Variants in STAT4 observed in about 807,000 individuals in gnomAD.
STAT4 encodes signal transducer and activator of transcription 4.
A neutral mutation model predicts 110.5 loss-of-function variants in STAT4; 42 were observed. The observed-to-expected ratio is 0.38, with a 90% CI of 0.30 to 0.49. STAT4 has a LOEUF of 0.49. Ranked by LOEUF, STAT4 falls within the 20% of genes least tolerant of loss-of-function variation. The pLI is 0.95. For missense variants in STAT4, 632 were observed against 887.9 expected (o/e 0.71, Z 3.66); for synonymous variants, 284 against 302.2 (o/e 0.94, Z 0.63).
At chr2:191,044,784 G>A in intron 14 of STAT4, among the ~76,000 whole-genome samples, 1 of 152,260 alleles carries the variant, frequency 6.6e-6, no homozygotes, top group African/African-American at 2.4e-5. Flanking sequence ...ACTCATAGAT[G>A]GACATGTTTG....
In STAT4 at chr2:191,083,774, T is replaced by C. The variant is rs1574139872; in HGVS notation, c.274-7449A>G. On this transcript the variant is annotated intron_variant, in intron 3 of 23. Coordinates refer to ENST00000392320, the MANE Select transcript of STAT4 (RefSeq NM_003151.4). This position sits in a 1 kb window ranked among gnomAD's most constrained non-coding sequence, Gnocchi z 4.6. Reference sequence around the variant, plus strand: ...TATTCCTCGCCAATGTCAAACACACTGGCCTGTGTGGGTATCAAACTGACT... The same window carrying C: ...TATTCCTCGCCAATGTCAAACACACCGGCCTGTGTGGGTATCAAACTGACT... Among the ~76,000 whole-genome samples the C allele has an allele frequency of 2.0e-5, 3 of 152,166 alleles. No homozygotes were observed. The highest frequency in any genetic ancestry group is 4.8e-5 in the African/African-American group (2 of 41,432).
At chr2:191,094,405 AC>A (rs1697899378) in intron 3 of STAT4, among the ~76,000 whole-genome samples, 1 of 152,226 alleles carries the variant, frequency 6.6e-6, no homozygotes, top group Admixed American at 6.5e-5. Context: ...CAGAAACTCT[AC>A]AAGCCAGAAG....
chr2:191,094,087 T>C (rs1180914614), intron 3 of STAT4, among the ~76,000 whole-genome samples: 1 of 152,138 alleles, frequency 6.6e-6, no homozygotes, highest in Non-Finnish European at 1.5e-5. Context: ...TATGGGACTA[T>C]GTGAAAAGAC....
chr2:191,058,693 G>A lies in STAT4; in HGVS notation c.1094+17C>T, dbSNP rs759611704. The A allele has an allele frequency of 3.7e-5, 57 of 1,531,318 alleles. No homozygotes were observed. The highest frequency in any genetic ancestry group is 4.8e-5 in the Non-Finnish European group (54 of 1,125,522). The allele number at this position is 1,531,318 out of a possible 1,614,324, so 94.9% of individuals were successfully genotyped here. ...TACATTTGGAATTGTAATTCAAAAC[G>A]AAATTAGAAAACTTACTTGTCAATT... On this transcript the variant is annotated intron_variant, in intron 11 of 23. Transcript: ENST00000392320. This position sits in a 1 kb window ranked among gnomAD's most constrained non-coding sequence, Gnocchi z 4.3.
intron 3 of STAT4, among the ~76,000 whole-genome samples, chr2:191,076,990 G>T (rs1661635141): frequency 1.3e-5 from 2 of 152,136 alleles, no homozygotes; most frequent in Admixed American, 1.3e-4. Context: ...TGTTAACTGT[G>T]TGTCATGGTT....
intron 3 of STAT4, among the ~76,000 whole-genome samples, chr2:191,078,229 T>C (rs1574135180): frequency 6.6e-6 from 1 of 152,110 alleles, no homozygotes; most frequent in Admixed American, 6.5e-5. Context: ...AGAATTACCA[T>C]TATTTGCCTG....
intron 5 of STAT4, among the ~76,000 whole-genome samples, chr2:191,070,657 A>G (rs1697119420): frequency 6.6e-6 from 1 of 152,190 alleles, no homozygotes; most frequent in Non-Finnish European, 1.5e-5. Context: ...ACATATATCT[A>G]CCACAGCAAT....
rs1696047750 is a variant in STAT4, at chr2:191,036,381, C to T, written c.1435-82G>A. On this transcript the variant is annotated intron_variant, in intron 16 of 23. Coordinates refer to ENST00000392320, the MANE Select transcript of STAT4 (RefSeq NM_003151.4). ...GGTGTGAGCAGGGCAAGAGAGGTCT[C>T]CCCCTCTCCCCACACACATACTAGG... 2.2e-6 allele frequency: 3 copies of T among 1,385,010 alleles called. No individual in the cohort carries two copies. The Admixed American group carries it at 5.7e-5, about 27-fold the overall frequency. 85.8% of individuals were successfully genotyped at this position (1,385,010 alleles called of 1,614,324 possible). A position where few individuals can be genotyped will look rare whatever the true frequency, so the allele number is the denominator to read the frequency against.
At position 191,032,972 on chromosome 2, in the gene STAT4, G is replaced by C. The variant is rs761189841; in HGVS notation, c.2030C>G (p.Ser677Cys). The C allele has an allele frequency of 6.2e-7, 1 of 1,613,402 alleles. No homozygotes were observed. Among genetic ancestry groups the C allele is most frequent in the Non-Finnish European group, 8.5e-7 (1 of 1,179,754 alleles). ...KDKAFGKHYS[S>C]QPCEVSRPTE... The stretch of plus-strand genomic sequence containing the variant: ...AAAAACCTAACCTTCGCAAGGCTGA[G>C]AGCTGTAGTGTTTACCGAAGGCTTT... The change falls in exon 21 of 24, where the codon TCT (serine) becomes TGT (cysteine). Residue 677 changes from serine (S) to cysteine (C), a missense_variant. Transcript: ENST00000392320. This position sits in a 1 kb window ranked among gnomAD's most constrained non-coding sequence, Gnocchi z 4.9.
In STAT4 at chr2:191,135,926, T is replaced by C. The variant is rs1699166548; in HGVS notation, c.273+10687A>G. 6.9e-6 allele frequency among the ~76,000 whole-genome samples: 1 copy of C among 144,768 alleles called. No homozygotes were observed. The highest frequency in any genetic ancestry group is 2.6e-5 in the African/African-American group (1 of 38,830). 95.0% of individuals were successfully genotyped at this position (144,768 alleles called of 152,430 possible). On this transcript the variant is annotated intron_variant, in intron 3 of 23. Transcript: ENST00000392320. The surrounding 1 kb of genome is among the most constrained non-coding windows in gnomAD (Gnocchi z 4.8). The stretch of plus-strand genomic sequence containing the variant: ...CAAGGACACAACACAAAGAGACAAC[T>C]ACAGGCCAATATCCCTGATGAATAC...
intron 3 of STAT4, among the ~76,000 whole-genome samples, chr2:191,106,625 C>T (rs979960867): frequency 4.1e-5 from 6 of 146,008 alleles, no homozygotes; most frequent in African/African-American, 1.5e-4. Context: ...CCAGCCTGGG[C>T]AACAGAGTGA....
intron 14 of STAT4, among the ~76,000 whole-genome samples, chr2:191,049,228 G>A (rs1039722200): frequency 1.4e-5 from 2 of 141,772 alleles, no homozygotes; most frequent in Admixed American, 7.3e-5. Context: ...AGGCTGGAGT[G>A]CAGTGGCGAA....
At chr2:191,111,219 T>G (rs111272257) in intron 3 of STAT4, among the ~76,000 whole-genome samples, 3 of 152,340 alleles carry the variant, frequency 2.0e-5, no homozygotes, top group African/African-American at 7.2e-5. Flanking sequence ...ATATCTGGGG[T>G]ACAATGCCTT....
intron 3 of STAT4, among the ~76,000 whole-genome samples, chr2:191,115,382 G>A (rs1279752881): frequency 5.9e-5 from 9 of 152,156 alleles, no homozygotes; most frequent in Non-Finnish European, 7.4e-5. Flanking sequence ...GTTAGGAATG[G>A]ATCCAATGAA....
chr2:191,145,463 T>G (rs1031509), intron 3 of STAT4, among the ~76,000 whole-genome samples: 98,087 of 152,036 alleles, frequency 0.65, 33,212 homozygotes, highest in South Asian at 0.78. Context: ...ATAGATTAGA[T>G]CACTAAGCTA....
rs1400508779 is a variant in STAT4, at chr2:191,112,502, T to C, written c.273+34111A>G. Among the ~76,000 whole-genome samples, 1 of 152,226 alleles carries C rather than the reference T, an allele frequency of 6.6e-6. No homozygotes were observed. The highest frequency in any genetic ancestry group is 1.5e-5 in the Non-Finnish European group (1 of 68,050). ...ATATATGCAAATGGATGAATACATATGGGTATATGTATGCATATATATTTT... is the reference window on the plus strand; with the variant it reads ...ATATATGCAAATGGATGAATACATACGGGTATATGTATGCATATATATTTT... On this transcript the variant is annotated intron_variant, in intron 3 of 23. Coordinates refer to ENST00000392320, the MANE Select transcript of STAT4 (RefSeq NM_003151.4). The surrounding 1 kb of genome is among the most constrained non-coding windows in gnomAD (Gnocchi z 4.3).
chr2:191,049,167 CT>C (rs11410725), intron 14 of STAT4, among the ~76,000 whole-genome samples: 8,407 of 104,104 alleles, frequency 0.081, 117 homozygotes, highest in Non-Finnish European at 0.12. Flanking sequence ...ATGGTAATAG[CT>C]TTTTTTTTTT....
chr2:191,031,959 T>C lies in STAT4; in HGVS notation c.2045-443A>G, dbSNP rs990496514. ...GATGTCAGTGTTCCCAAAAGTATCA[T>C]TGTACTGTAGTAACAGTCATGTGCA... On this transcript the variant is annotated intron_variant, in intron 21 of 23. Transcript: ENST00000392320. This position sits in a 1 kb window ranked among gnomAD's most constrained non-coding sequence, Gnocchi z 4.8. Among the ~76,000 whole-genome samples, 7 of 152,242 alleles carry C rather than the reference T, an allele frequency of 4.6e-5. No homozygotes were observed. Among genetic ancestry groups the C allele is most frequent in the African/African-American group, 1.4e-4 (6 of 41,462 alleles).
chr2:191,047,022 G>A (rs1377702190), intron 14 of STAT4, among the ~76,000 whole-genome samples: 1 of 152,046 alleles, frequency 6.6e-6, no homozygotes, highest in African/African-American at 2.4e-5. Flanking sequence ...AAGGGGAGAG[G>A]GATTGAAAGT....
Sources: allele counts gnomAD v4.1 joint callset (sites outside exome capture counted in the v4.1 genomes callset), GRCh38; gene constraint gnomAD v4.1.1; non-coding constraint Gnocchi (gnomAD v3.1); transcripts MANE v1.5; gene names NCBI Gene and HGNC (gene_info 2026-07-23, HGNC 2026-07-21).